TRAPPC9: variants seen among roughly 807,000 people sequenced by gnomAD.
TRAPPC9 encodes IKK2 binding protein.
TRAPPC9 carries 83 observed loss-of-function variants against 124.0 expected under a neutral mutation model. That is an observed-to-expected ratio of 0.67 (90% CI 0.56 to 0.80). The LOEUF is 0.80. Ranked by LOEUF, TRAPPC9 falls within the 30% of genes least tolerant of loss-of-function variation. The pLI, the probability that TRAPPC9 is intolerant of heterozygous loss-of-function variation, is 0.00. For missense variants in TRAPPC9, 1,302 were observed against 1,508.3 expected (o/e 0.86, Z 2.27); for synonymous variants, 638 against 617.5 (o/e 1.03, Z -0.49).
chr8:139,851,270 A>G (rs893592900), intron 21 of TRAPPC9, among the ~76,000 whole-genome samples: 2 of 152,306 alleles, frequency 1.3e-5, no homozygotes, highest in Non-Finnish European at 1.5e-5. Flanking sequence ...ACTTGACCGG[A>G]TTCAAACCTA....
intron 16 of TRAPPC9, among the ~76,000 whole-genome samples, chr8:140,249,760 C>T (rs376408960): frequency 1.3e-5 from 2 of 151,928 alleles, no homozygotes; most frequent in African/African-American, 4.8e-5. Flanking sequence ...CCCGCCACCA[C>T]GCCCGGCTAA....
chr8:139,806,190 G>C (rs952821731), intron 21 of TRAPPC9: 6 of 152,290 alleles, frequency 3.9e-5, no homozygotes, highest in African/African-American at 1.4e-4. Context: ...AGGGCTCCCG[G>C]AGATCAAATG....
At chr8:139,756,773 G>A (rs1405672581) in intron 21 of TRAPPC9, among the ~76,000 whole-genome samples, 16 of 127,670 alleles carry the variant, frequency 1.3e-4, no homozygotes, top group South Asian at 5.8e-4. Context: ...GTCGCAGGAG[G>A]AGCCAGGGTT....
intron 21 of TRAPPC9, among the ~76,000 whole-genome samples, chr8:139,851,679 G>T (rs889595278): frequency 6.6e-6 from 1 of 152,348 alleles, no homozygotes; most frequent in Non-Finnish European, 1.5e-5. Context: ...AATGAGTCGG[G>T]AAGGGGAAAG....
At chr8:139,982,059 T>G (rs1222151778) in intron 19 of TRAPPC9, among the ~76,000 whole-genome samples, 1 of 152,186 alleles carries the variant, frequency 6.6e-6, no homozygotes, top group East Asian at 1.9e-4. Flanking sequence ...TACATGAGGG[T>G]TGTCATGAAA....
rs1817639549 is a variant in TRAPPC9, at chr8:139,727,971, T to C, written c.*3090A>G. Among the ~76,000 whole-genome samples the C allele has an allele frequency of 6.6e-6, 1 of 151,958 alleles. No homozygotes were observed. On this transcript the variant is annotated 3_prime_UTR_variant, in exon 23 of 23. Coordinates refer to ENST00000438773, the MANE Select transcript of TRAPPC9 (RefSeq NM_001160372.4). The stretch of plus-strand genomic sequence containing the variant: ...TGGATGGAATTAAAAAGAACAGCAA[T>C]GGGAAGGCTAGGAGAAGGGACCCAG...
chr8:139,882,382 C>G (rs1030340985), intron 21 of TRAPPC9, among the ~76,000 whole-genome samples: 1 of 152,166 alleles, frequency 6.6e-6, no homozygotes, highest in Non-Finnish European at 1.5e-5. Flanking sequence ...CTGGCTCCAC[C>G]AAAAGCCTCT....
chr8:140,416,619 A>G (rs1281097564), intron 5 of TRAPPC9, among the ~76,000 whole-genome samples: 1 of 152,218 alleles, frequency 6.6e-6, no homozygotes, highest in Admixed American at 6.5e-5. Flanking sequence ...GGAAGAATCA[A>G]TATCATGAAA....
intron 21 of TRAPPC9, among the ~76,000 whole-genome samples, chr8:139,796,020 AGGAG>A (rs1445885095): frequency 6.6e-6 from 1 of 150,646 alleles, no homozygotes; most frequent in African/African-American, 2.4e-5. Context: ...GAGGATGAGG[AGGAG>A]GAAGAGGAGG....
chr8:140,023,792 C>G, intron 18 of TRAPPC9, 145 bp downstream of exon 18: 1 of 1,258,398 alleles, frequency 7.9e-7, no homozygotes, highest in Non-Finnish European at 1.1e-6. Context: ...TAAAGAAAAA[C>G]CTACATCCCA....
chr8:139,740,405 A>C (rs7836673), intron 21 of TRAPPC9, among the ~76,000 whole-genome samples: 124,213 of 152,238 alleles, frequency 0.82, 51,079 homozygotes, highest in East Asian at 0.89. Context: ...GCCATTGGCC[A>C]GCCTGTGCAT....
At chr8:140,156,213 C>G (rs1242233608) in intron 17 of TRAPPC9, among the ~76,000 whole-genome samples, 4 of 152,168 alleles carry the variant, frequency 2.6e-5, no homozygotes, top group Non-Finnish European at 4.4e-5. Flanking sequence ...CCTATGATCC[C>G]CTGAAGAAAA....
intron 17 of TRAPPC9, among the ~76,000 whole-genome samples, chr8:140,036,428 G>A (rs1192499750): frequency 1.3e-5 from 2 of 152,120 alleles, no homozygotes; most frequent in East Asian, 1.9e-4. Context: ...CCGACGGTAC[G>A]CTGAGTGGGA....
rs1182696523 is a variant in TRAPPC9, at chr8:140,450,846, G to A, written c.528C>T (p.Pro176=). 5 of 1,613,690 alleles carry A rather than the reference G, an allele frequency of 3.1e-6. No individual in the cohort carries two copies. The South Asian group carries it at 5.5e-5, about 18-fold the overall frequency. The stretch of plus-strand genomic sequence containing the variant: ...TTTTCTCAAACGGGACACAGAGAAG[G>A]GGGATCTTATCCCCAGACTTGTCTG... The part of the protein sequence containing the change: ...RATDKSGDKI[P]LLCVPFEKKD... Residue 176 remains proline, a synonymous_variant, in exon 2 of 23, where the codon CCC becomes CCT. Coordinates refer to ENST00000438773, the MANE Select transcript of TRAPPC9 (RefSeq NM_001160372.4).
intron 19 of TRAPPC9, among the ~76,000 whole-genome samples, chr8:139,939,594 C>G (rs1296087596): frequency 1.3e-5 from 2 of 152,178 alleles, no homozygotes; most frequent in Non-Finnish European, 2.9e-5. Flanking sequence ...TGGGAAGCAC[C>G]CCTGTCGTGG....
intron 8 of TRAPPC9, among the ~76,000 whole-genome samples, chr8:140,365,199 C>T (rs1366932284): frequency 6.6e-6 from 1 of 152,044 alleles, no homozygotes; most frequent in East Asian, 2.0e-4. Flanking sequence ...TCCTTACAAC[C>T]TCTACCAGTA....
At chr8:140,258,317 T>C (rs554081962) in intron 15 of TRAPPC9, among the ~76,000 whole-genome samples, 123 of 152,370 alleles carry the variant, frequency 8.1e-4, no homozygotes, top group African/African-American at 2.8e-3. Flanking sequence ...CTGGCACAAG[T>C]AATGGATTTG....
intron 7 of TRAPPC9, among the ~76,000 whole-genome samples, chr8:140,380,771 C>T (rs2068582740): frequency 6.6e-6 from 1 of 151,536 alleles, no homozygotes; most frequent in African/African-American, 2.4e-5. Flanking sequence ...CTATAAAGTT[C>T]CTAAAAGAAA....
chr8:140,054,357 T>C (rs1842180216), intron 17 of TRAPPC9, among the ~76,000 whole-genome samples: 1 of 152,114 alleles, frequency 6.6e-6, no homozygotes, highest in African/African-American at 2.4e-5. Flanking sequence ...ATTTCAAAAA[T>C]ATCTTCAGAC....
Sources: allele counts gnomAD v4.1 joint callset (sites outside exome capture counted in the v4.1 genomes callset), GRCh38; gene constraint gnomAD v4.1.1; transcripts MANE v1.5; gene names NCBI Gene and HGNC (gene_info 2026-07-23, HGNC 2026-07-21).